The following RLF variants were observed in gnomAD, a reference collection of about 807,000 sequenced individuals.
RLF encodes zinc finger protein Rlf.
In RLF, 7 loss-of-function variants were observed where a neutral mutation model predicts 162.9. The observed-to-expected ratio is 0.04, with a 90% CI of 0.02 to 0.08. RLF has a LOEUF of 0.08. Among genes scored for constraint, RLF ranks in the 10% least tolerant of loss-of-function variants. RLF has a pLI of 1.00. For synonymous variants in RLF, 782 were observed against 791.5 expected (o/e 0.99, Z 0.20); for missense variants, 1,664 against 2,244.7 (o/e 0.74, Z 5.23).
chr1:40,188,068 T>C (rs940349280), intron 1 of RLF, among the ~76,000 whole-genome samples: 2 of 152,234 alleles, frequency 1.3e-5, no homozygotes, highest in Non-Finnish European at 2.9e-5. Context: ...ATCCTGCTTA[T>C]GTTAGACTGT....
At chr1:40,229,613 C>T (rs1331097188) in intron 6 of RLF, among the ~76,000 whole-genome samples, 1 of 151,636 alleles carries the variant, frequency 6.6e-6, no homozygotes, top group African/African-American at 2.4e-5. Context: ...CACCACCACA[C>T]CCAGCTAATT....
chr1:40,188,626 A>G (rs1642517305), intron 1 of RLF, among the ~76,000 whole-genome samples: 1 of 152,030 alleles, frequency 6.6e-6, no homozygotes, highest in Non-Finnish European at 1.5e-5. Context: ...CAGAAAAAAA[A>G]AAAAGGATTT....
chr1:40,238,770 C>A lies in RLF; in HGVS notation c.4068C>A (p.Val1356=). 1.2e-6 allele frequency: 2 copies of A among 1,612,854 alleles called. No homozygotes were observed. The highest frequency in any genetic ancestry group is 2.2e-5 in the South Asian group (2 of 90,730). ...KDKARTKREL[V]KCKKIFACKY... is the part of the protein sequence containing the mutation. ...AAGCAAGAACCAAAAGGGAACTTGT[C>A]AAATGTAAAAAGATATTTGCTTGCA... Residue 1356 remains valine (V), a synonymous_variant, in exon 8 of 8, where the codon GTC becomes GTA. Transcript: ENST00000372771. The surrounding 1 kb of genome is among the most constrained non-coding windows in gnomAD (Gnocchi z 5.2).
In RLF at chr1:40,161,672, C is replaced by T; in HGVS notation, c.237+36C>T. 1 of 1,600,012 alleles carries T rather than the reference C, an allele frequency of 6.2e-7. No individual in the cohort carries two copies. Among genetic ancestry groups the T allele is most frequent in the Non-Finnish European group, 8.5e-7 (1 of 1,175,772 alleles). ...GACTGGCTGGCTGAGGGCGGCGGGG[C>T]GGGGAAGTCAGGGAAGGAGGCCCTG... On this transcript the variant is annotated intron_variant, in intron 1 of 7. Coordinates refer to ENST00000372771, the MANE Select transcript of RLF (RefSeq NM_012421.4). This position sits in a 1 kb window ranked among gnomAD's most constrained non-coding sequence, Gnocchi z 4.4.
At chr1:40,220,329 T>C (rs1642975570) in intron 5 of RLF, among the ~76,000 whole-genome samples, 1 of 152,190 alleles carries the variant, frequency 6.6e-6, no homozygotes, top group African/African-American at 2.4e-5. Context: ...CTGAAATATT[T>C]TATTTCTATT....
intron 1 of RLF, among the ~76,000 whole-genome samples, chr1:40,163,159 TAGAA>T (rs1385006566): frequency 6.6e-6 from 1 of 152,144 alleles, no homozygotes; most frequent in Non-Finnish European, 1.5e-5. Context: ...AGTATGTGCT[TAGAA>T]AGAAGTAACT....
At chr1:40,224,306 CTTTTTTTTTT>C (rs869123049) in intron 6 of RLF, among the ~76,000 whole-genome samples, 2 of 127,942 alleles carry the variant, frequency 1.6e-5, no homozygotes, top group Non-Finnish European at 3.3e-5. Flanking sequence ...GCAATTGCAT[CTTTTTTTTTT>C]TTTTTTTTTT....
At chr1:40,224,899 A>G (rs1222350465) in intron 6 of RLF, among the ~76,000 whole-genome samples, 1 of 151,780 alleles carries the variant, frequency 6.6e-6, no homozygotes, top group Non-Finnish European at 1.5e-5. Flanking sequence ...AGGTACCAGA[A>G]TCACTTGAAC....
chr1:40,195,081 C>T (rs566985343), intron 3 of RLF, among the ~76,000 whole-genome samples: 2 of 151,720 alleles, frequency 1.3e-5, no homozygotes, highest in African/African-American at 4.8e-5. Context: ...ATGGTCCACC[C>T]GTCTCAGCCT....
At chr1:40,215,145 CATGAAATAGCAGA>C (rs2124549556) in intron 5 of RLF, among the ~76,000 whole-genome samples, 1 of 152,122 alleles carries the variant, frequency 6.6e-6, no homozygotes, top group South Asian at 2.1e-4. Context: ...GCCCAAAATG[CATGAAATAGCAGA>C]ATCAAAGAGG....
chr1:40,238,745 A>G lies in RLF; in HGVS notation c.4043A>G (p.Lys1348Arg). 6.2e-7 allele frequency: 1 copy of G among 1,613,806 alleles called. No homozygotes were observed. Among genetic ancestry groups the G allele is most frequent in the Non-Finnish European group, 8.5e-7 (1 of 1,179,828 alleles). ...NKEQLCLEKD[K>R]ARTKRELVKC... ...GAACAGTTATGTTTGGAGAAAGACAAAGCAAGAACCAAAAGGGAACTTGTC... is the reference window on the plus strand; with the variant it reads ...GAACAGTTATGTTTGGAGAAAGACAGAGCAAGAACCAAAAGGGAACTTGTC... Residue 1348 changes from lysine (K) to arginine (R), a missense_variant, in exon 8 of 8, where the codon AAA becomes AGA. Coordinates refer to ENST00000372771, the MANE Select transcript of RLF (RefSeq NM_012421.4). The surrounding 1 kb of genome is among the most constrained non-coding windows in gnomAD (Gnocchi z 5.2).
intron 5 of RLF, among the ~76,000 whole-genome samples, chr1:40,219,316 GTGCT>G (rs1642962923): frequency 6.6e-6 from 1 of 152,126 alleles, no homozygotes; most frequent in East Asian, 1.9e-4. Context: ...TATTAACTGA[GTGCT>G]TGTCATGTGA....
At position 40,179,716 on chromosome 1, in the gene RLF, G is replaced by A. The variant is rs140036987; in HGVS notation, c.238-9339G>A. ...TCCAGAACTTTGTCATCTTCCCAAA[G>A]TGAAAGTATGTACCCATTAAATACT... On this transcript the variant is annotated intron_variant, in intron 1 of 7. Transcript: ENST00000372771. Among the ~76,000 whole-genome samples the A allele has an allele frequency of 3.5e-3, 538 of 152,112 alleles. 4 individuals carry two copies. The highest frequency in any genetic ancestry group is 0.012 in the African/African-American group (513 of 41,480).
rs199540967 is a variant in RLF at position 40,186,283 on chromosome 1, TA to T, written c.238-2763del. Reference sequence around the variant, plus strand: ...GATAGAATGAGACTCTATCTCAATTTAAAAAAAAAGTGATAATGAAGAAGAT... The same window carrying T: ...GATAGAATGAGACTCTATCTCAATTTAAAAAAAAGTGATAATGAAGAAGAT... On this transcript the variant is annotated intron_variant, in intron 1 of 7. Coordinates refer to ENST00000372771, the MANE Select transcript of RLF (RefSeq NM_012421.4). Among the ~76,000 whole-genome samples, 111 of 151,282 alleles carry T rather than the reference TA, an allele frequency of 7.3e-4. 5 individuals are homozygous for T. The South Asian group carries it at 0.023, about 31-fold the overall frequency.
At chr1:40,226,443 C>T (rs1454235132) in intron 6 of RLF, among the ~76,000 whole-genome samples, 1 of 152,084 alleles carries the variant, frequency 6.6e-6, no homozygotes, top group Non-Finnish European at 1.5e-5. Context: ...GATAGACTGG[C>T]CTTTGATTTC....
At chr1:40,172,432 C>T (rs562950101) in intron 1 of RLF, among the ~76,000 whole-genome samples, 2 of 152,312 alleles carry the variant, frequency 1.3e-5, no homozygotes, top group Non-Finnish European at 2.9e-5. Context: ...GTCCCATGAA[C>T]TTCCTTAAAT....
chr1:40,169,891 T>C (rs571152253), intron 1 of RLF, among the ~76,000 whole-genome samples: 44 of 152,064 alleles, frequency 2.9e-4, no homozygotes, highest in African/African-American at 8.0e-4. Context: ...GGCTTCATCA[T>C]GTTGGCTAGG....
At chr1:40,187,985 A>G (rs1642504312) in intron 1 of RLF, among the ~76,000 whole-genome samples, 1 of 152,224 alleles carries the variant, frequency 6.6e-6, no homozygotes, top group Non-Finnish European at 1.5e-5. Flanking sequence ...CTATAGAAGT[A>G]TCCCCAACCA....
rs143771038 is a variant in RLF at position 40,196,020 on chromosome 1, A to G, written c.607+256A>G. ...TTCATACAAAGTTCCTGAGACAGAA[A>G]TGAATAATCTGCTGTAATCTTTGGT... is the stretch of plus-strand genomic sequence containing the variant. On this transcript the variant is annotated intron_variant, in intron 4 of 7. Transcript: ENST00000372771. Among the ~76,000 whole-genome samples, 255 of 152,234 alleles carry G rather than the reference A, an allele frequency of 1.7e-3. 1 individual carries two copies. Among genetic ancestry groups the G allele is most frequent in the African/African-American group, 5.8e-3 (239 of 41,546 alleles).
Sources: allele counts gnomAD v4.1 joint callset (sites outside exome capture counted in the v4.1 genomes callset), GRCh38; gene constraint gnomAD v4.1.1; non-coding constraint Gnocchi (gnomAD v3.1); transcripts MANE v1.5; gene names NCBI Gene and HGNC (gene_info 2026-07-23, HGNC 2026-07-21).